Variants in ZEB1 observed in about 807,000 individuals in gnomAD.
ZEB1 encodes the protein zinc finger E-box-binding homeobox 1.
Under a neutral mutation model 84.9 loss-of-function variants are expected in ZEB1, and 21 were observed. The ratio of observed to expected loss-of-function variants is 0.25; its 90% CI spans 0.18 to 0.36. The LOEUF (loss-of-function observed/expected upper bound fraction) is 0.36. ZEB1 is among the 10% of genes least tolerant of loss of function. The pLI is 1.00. For missense variants in ZEB1, 1,104 were observed against 1,330.2 expected (o/e 0.83, Z 2.65); for synonymous variants, 420 against 471.1 (o/e 0.89, Z 1.41).
chr10:31,363,466 C>T (rs1440578167), intron 1 of ZEB1: 33 of 1,533,170 alleles, frequency 2.2e-5, no homozygotes, highest in Non-Finnish European at 2.8e-5. Flanking sequence ...AGTGAGGTTT[C>T]CCTGAGTCTC....
intron 1 of ZEB1, among the ~76,000 whole-genome samples, chr10:31,436,019 G>GC (rs1231202048): frequency 1.3e-5 from 2 of 152,170 alleles, no homozygotes; most frequent in Non-Finnish European, 2.9e-5. Flanking sequence ...AGAATACATA[G>GC]CAGAAGCATG....
At chr10:31,318,862 C>A (rs914003647), upstream of ZEB1, 2 of 350,918 alleles carry the variant, frequency 5.7e-6, no homozygotes, top group Non-Finnish European at 1.1e-5. Context: ...GTGGCCAGCG[C>A]GGAGGCAGGA....
intron 2 of ZEB1, among the ~76,000 whole-genome samples, chr10:31,476,797 A>G (rs2064268606): frequency 1.3e-5 from 2 of 152,110 alleles, no homozygotes; most frequent in African/African-American, 4.8e-5. Context: ...GCAGAATTAA[A>G]AAGAAAAACG....
chr10:31,505,525 A>C (rs1466708009), intron 4 of ZEB1, among the ~76,000 whole-genome samples: 2 of 151,974 alleles, frequency 1.3e-5, no homozygotes, highest in African/African-American at 4.8e-5. Context: ...CCAGGAATTT[A>C]TCCATATCCT....
At chr10:31,357,450 G>T (rs936326583) in intron 1 of ZEB1, among the ~76,000 whole-genome samples, 2 of 152,086 alleles carry the variant, frequency 1.3e-5, no homozygotes, top group African/African-American at 4.8e-5. Flanking sequence ...ATAGCGATCT[G>T]AGTACATCAT....
chr10:31,495,858 T>C lies in ZEB1; in HGVS notation c.322+20T>C. 6.2e-7 allele frequency: 1 copy of C among 1,612,620 alleles called. No homozygotes were observed. The highest frequency in any genetic ancestry group is 8.5e-7 in the Non-Finnish European group (1 of 1,178,852). On this transcript the variant is annotated intron_variant, in intron 3 of 8. Transcript: ENST00000424869. ...GTACAGGTACTCTGCTGCGACTTTCTTTCATACCATAGCCTTTAAAAGAAG... is the reference window on the plus strand; with the variant it reads ...GTACAGGTACTCTGCTGCGACTTTCCTTCATACCATAGCCTTTAAAAGAAG...
intron 4 of ZEB1, among the ~76,000 whole-genome samples, chr10:31,503,885 T>C (rs1028012110): frequency 6.6e-6 from 1 of 152,146 alleles, no homozygotes; most frequent in Non-Finnish European, 1.5e-5. Flanking sequence ...TTTATTCATA[T>C]CCTTTGCCCA....
chr10:31,364,670 C>T (rs1235934856), intron 1 of ZEB1, among the ~76,000 whole-genome samples: 1 of 152,204 alleles, frequency 6.6e-6, no homozygotes, highest in East Asian at 1.9e-4. Context: ...GCCTCCCTGG[C>T]AGGCAGGGTC....
chr10:31,326,105 A>G (rs1158454045), intron 1 of ZEB1, among the ~76,000 whole-genome samples: 2 of 152,110 alleles, frequency 1.3e-5, no homozygotes, highest in South Asian at 2.1e-4. Flanking sequence ...GAAAACTGAC[A>G]CAGATAAGCT....
chr10:31,452,823 C>T (rs1451381509), intron 1 of ZEB1, among the ~76,000 whole-genome samples: 1 of 147,726 alleles, frequency 6.8e-6, no homozygotes, highest in African/African-American at 2.6e-5. Context: ...GATGGAAACA[C>T]TTGGTCAGTG....
chr10:31,461,214 C>T lies in ZEB1; in HGVS notation c.236C>T (p.Ala79Val). ...PGRSSEREGNAKNCWEDDTGK... is the reference protein window; with the variant it reads ...PGRSSEREGNVKNCWEDDTGK... ...AGGAGCAGTGAAAGAGAAGGGAATGCTAAGAACTGCTGGGAGGATGACAGT... is the reference window on the plus strand; with the variant it reads ...AGGAGCAGTGAAAGAGAAGGGAATGTTAAGAACTGCTGGGAGGATGACAGT... The change falls in exon 2 of 9, where the codon GCT becomes GTT. Residue 79 changes from alanine (A) to valine (V), a missense_variant. Physicochemically the swap from Ala to Val is moderately conservative, Grantham distance 64 (BLOSUM62 0). Transcript: ENST00000424869. 1 of 1,612,924 alleles carries T rather than the reference C, an allele frequency of 6.2e-7. No individual in the cohort carries two copies. The highest frequency in any genetic ancestry group is 8.5e-7 in the Non-Finnish European group (1 of 1,179,474).
At chr10:31,448,548 C>G (rs888654378) in intron 1 of ZEB1, among the ~76,000 whole-genome samples, 34 of 150,916 alleles carry the variant, frequency 2.3e-4, no homozygotes, top group African/African-American at 6.6e-4. Context: ...GTGGTTTTAT[C>G]TACTTTTGGT....
chr10:31,515,370 C>T (rs2070885764), intron 6 of ZEB1, among the ~76,000 whole-genome samples: 1 of 151,946 alleles, frequency 6.6e-6, no homozygotes, highest in African/African-American at 2.4e-5. Flanking sequence ...TGAACAAAAG[C>T]GCAAAAGGAA....
chr10:31,325,881 C>T lies in ZEB1; in HGVS notation c.58+6589C>T, dbSNP rs928973153. Among the ~76,000 whole-genome samples the T allele has an allele frequency of 4.0e-5, 6 of 151,256 alleles. No individual in the cohort carries two copies. The South Asian group carries it at 8.3e-4, about 21-fold the overall frequency. The stretch of plus-strand genomic sequence containing the variant: ...ATATATCTGTTACTATTCATGCTCA[C>T]GGCCTAAAATATATTCTGATTTCCC... On this transcript the variant is annotated intron_variant, in intron 1 of 8. Transcript: ENST00000424869.
chr10:31,438,146 T>TC (rs2058495588), intron 1 of ZEB1, among the ~76,000 whole-genome samples: 2 of 152,184 alleles, frequency 1.3e-5, no homozygotes, highest in African/African-American at 2.4e-5. Flanking sequence ...CCACGAGGCC[T>TC]CCCTCCTGGC....
chr10:31,393,812 T>A (rs1329568504), intron 1 of ZEB1, among the ~76,000 whole-genome samples: 1 of 152,236 alleles, frequency 6.6e-6, no homozygotes, highest in African/African-American at 2.4e-5. Context: ...GGCTTATATC[T>A]TTTTGTGTAT....
Position 31,528,009 on chromosome 10 carries a change from A to C in ZEB1, c.*745A>C, listed in dbSNP as rs1050394155. On this transcript the variant is annotated 3_prime_UTR_variant, in exon 9 of 9. Coordinates refer to ENST00000424869, the MANE Select transcript of ZEB1 (RefSeq NM_001174096.2). ...TTGAGTTCTGATTGCAGGGACTAAC[A>C]ATGTTAATCTGATAAGGACAGCAAA... 1 of 152,272 alleles carries C rather than the reference A, an allele frequency of 6.6e-6. No homozygotes were observed. The highest frequency in any genetic ancestry group is 1.5e-5 in the Non-Finnish European group (1 of 68,092). The allele number at this position is 152,272 out of a possible 1,614,324, so 9.4% of individuals were successfully genotyped here.
At chr10:31,321,560 C>T (rs1217712205) in intron 1 of ZEB1, 2 of 1,613,856 alleles carry the variant, frequency 1.2e-6, no homozygotes, top group African/African-American at 1.3e-5. Context: ...GAGCTGTTCG[C>T]TTTTTACCTT....
intron 3 of ZEB1, among the ~76,000 whole-genome samples, chr10:31,496,986 T>A (rs1253436047): frequency 6.6e-6 from 1 of 152,132 alleles, no homozygotes; most frequent in Non-Finnish European, 1.5e-5. Context: ...TATGTGATAA[T>A]TTGTGGTGCG....
Sources: gnomAD v4.1 joint callset for allele counts (sites outside exome capture counted in the v4.1 genomes callset) on GRCh38, gnomAD v4.1.1 for gene constraint, MANE v1.5 for transcripts, NCBI Gene and HGNC (gene_info 2026-07-23, HGNC 2026-07-21) for gene names.